Variants in SPINK13 observed in about 807,000 individuals in gnomAD.
The protein encoded by SPINK13 is serine protease inhibitor Kazal-type 13.
SPINK13 carries 11 observed loss-of-function variants against 11.0 expected under a neutral mutation model. The observed-to-expected ratio is 1.00, with a 90% confidence interval of 0.63 to 1.65. The LOEUF (loss-of-function observed/expected upper bound fraction) is 1.65. Among genes scored for constraint, SPINK13 ranks in the 40% most tolerant of loss-of-function variants. The pLI is 0.00. For missense variants in SPINK13, 113 were observed against 117.7 expected (o/e 0.96, Z 0.19); for synonymous variants, 31 against 35.6 (o/e 0.87, Z 0.46).
At chr5:148,279,645 A>G (rs1756483607) in intron 3 of SPINK13, among the ~76,000 whole-genome samples, 1 of 152,172 alleles carries the variant, frequency 6.6e-6, no homozygotes, top group Non-Finnish European at 1.5e-5. Context: ...CTGCAGAGAG[A>G]TCCACTGTTA....
At chr5:148,281,429 G>T (rs1324245555) in intron 3 of SPINK13, among the ~76,000 whole-genome samples, 1 of 152,144 alleles carries the variant, frequency 6.6e-6, no homozygotes, top group Non-Finnish European at 1.5e-5. Context: ...GGACCTGAGG[G>T]AATCTCCTGG....
chr5:148,283,189 G>A (rs575858545), intron 4 of SPINK13, among the ~76,000 whole-genome samples: 1 of 152,228 alleles, frequency 6.6e-6, no homozygotes, highest in East Asian at 1.9e-4. Flanking sequence ...AAGACTTGGT[G>A]TTCAGACTCT....
At chr5:148,270,688 TG>T (rs1401769557) in intron 2 of SPINK13, 1 of 152,836 alleles carries the variant, frequency 6.5e-6, no homozygotes, top group African/African-American at 2.4e-5. Flanking sequence ...TATGTTGACT[TG>T]CATGGCACAG....
At chr5:148,275,398 G>A (rs1298433739) in intron 3 of SPINK13, among the ~76,000 whole-genome samples, 1 of 152,166 alleles carries the variant, frequency 6.6e-6, no homozygotes, top group Non-Finnish European at 1.5e-5. Context: ...GGGCATTTGG[G>A]TTGGTTCCAA....
chr5:148,282,378 CAGAG>C, intron 4 of SPINK13, 147 bp downstream of exon 4: 1 of 956,156 alleles, frequency 1.0e-6, no homozygotes, highest in Non-Finnish European at 1.5e-6. Flanking sequence ...GGACAGACTA[CAGAG>C]AGAGTGAAGA....
At chr5:148,280,387 C>A (rs186475329) in intron 3 of SPINK13, among the ~76,000 whole-genome samples, 5 of 152,112 alleles carry the variant, frequency 3.3e-5, no homozygotes, top group African/African-American at 1.2e-4. Flanking sequence ...AAATTTTAAG[C>A]CTTTTTGGGC....
intron 1 of SPINK13, among the ~76,000 whole-genome samples, 175 bp from the exon 2 acceptor site, chr5:148,269,865 C>T (rs1263206193): frequency 6.6e-6 from 1 of 151,832 alleles, no homozygotes; most frequent in Non-Finnish European, 1.5e-5. Context: ...TTATGTTTTT[C>T]ATCTTCCTCT....
At chr5:148,270,212 AT>A in intron 2 of SPINK13, 70 bp downstream of exon 2, 1 of 1,513,252 alleles carries the variant, frequency 6.6e-7, no homozygotes, top group Non-Finnish European at 9.1e-7. Flanking sequence ...AAAACGAGTA[AT>A]TTTTTACTTT....
Position 148,270,151 on chromosome 5 carries a change from C to T in SPINK13, c.70+9C>T. ...ACATGTGGCTTTCTCAGGTGAGTAACCTAAGAGGTTTTGGGAGATAAACTC... is the reference window on the plus strand; with the variant it reads ...ACATGTGGCTTTCTCAGGTGAGTAATCTAAGAGGTTTTGGGAGATAAACTC... On this transcript the variant is annotated intron_variant, in intron 2 of 4. Transcript: ENST00000398450. 1.2e-6 allele frequency: 2 copies of T among 1,613,190 alleles called. No individual in the cohort carries two copies. The highest frequency in any genetic ancestry group is 1.7e-6 in the Non-Finnish European group (2 of 1,179,432).
chr5:148,276,288 CTTTAG>C (rs1207926399), intron 3 of SPINK13, among the ~76,000 whole-genome samples: 1 of 152,162 alleles, frequency 6.6e-6, no homozygotes, highest in African/African-American at 2.4e-5. Context: ...TGCAGAAGCT[CTTTAG>C]TTTAATCAGA....
chr5:148,273,789 A>T (rs1369124405), intron 2 of SPINK13, among the ~76,000 whole-genome samples: 10 of 152,198 alleles, frequency 6.6e-5, no homozygotes, highest in Admixed American at 6.5e-4. Context: ...TACAATAAGT[A>T]CTTTCTTATT....
At chr5:148,283,060 G>A (rs1452492226) in intron 4 of SPINK13, among the ~76,000 whole-genome samples, 2 of 152,066 alleles carry the variant, frequency 1.3e-5, no homozygotes, top group African/African-American at 2.4e-5. Context: ...TGGAGTCCCC[G>A]AGAGAGCAGG....
chr5:148,278,751 T>C (rs1220193968), intron 3 of SPINK13, among the ~76,000 whole-genome samples: 1 of 152,172 alleles, frequency 6.6e-6, no homozygotes, highest in African/African-American at 2.4e-5. Context: ...ATTTTGTTGA[T>C]TGGGGTGGAA....
chr5:148,278,289 A>C (rs1250134376), intron 3 of SPINK13, among the ~76,000 whole-genome samples: 1 of 152,012 alleles, frequency 6.6e-6, no homozygotes, highest in Admixed American at 6.6e-5. Flanking sequence ...CTCTGATCTT[A>C]GTTATTTCTT....
intron 3 of SPINK13, among the ~76,000 whole-genome samples, chr5:148,280,536 C>T (rs558510516): frequency 1.3e-5 from 2 of 152,340 alleles, no homozygotes; most frequent in South Asian, 2.1e-4. Flanking sequence ...TTCTAACAGT[C>T]AGGCCCCTCT....
At chr5:148,271,710 C>T (rs547313392) in intron 2 of SPINK13, among the ~76,000 whole-genome samples, 12 of 152,250 alleles carry the variant, frequency 7.9e-5, no homozygotes, top group East Asian at 3.9e-4. Context: ...CTGCAAGCTC[C>T]GCCTCCCGGA....
chr5:148,278,174 G>T (rs1425527126), intron 3 of SPINK13, among the ~76,000 whole-genome samples: 2 of 150,862 alleles, frequency 1.3e-5, no homozygotes, highest in Non-Finnish European at 3.0e-5. Flanking sequence ...TTTCTTCTTA[G>T]TCTGGCTAGC....
rs1445047193 is a variant in SPINK13, at chr5:148,270,127, CAT to C, written c.56_57del (p.His19ArgfsTer9). The C allele has an allele frequency of 1.9e-6, 3 of 1,613,900 alleles. No homozygotes were observed. The highest frequency in any genetic ancestry group is 1.3e-5 in the African/African-American group (1 of 74,932). ...IFFLVCSTLT[H>X]VAFSGIFNKR... is the part of the protein sequence containing the mutation. Reference sequence around the variant, plus strand: ...TTTCCTGGTATGCTCTACTTTGACACATGTGGCTTTCTCAGGTGAGTAACCTA... The same window carrying C: ...TTTCCTGGTATGCTCTACTTTGACACGTGGCTTTCTCAGGTGAGTAACCTA... On this transcript the variant is annotated frameshift_variant, in exon 2 of 5. Transcript: ENST00000398450. LOFTEE classifies it high-confidence loss of function.
At chr5:148,284,272 T>A (rs1019049164) in intron 4 of SPINK13, among the ~76,000 whole-genome samples, 3 of 150,770 alleles carry the variant, frequency 2.0e-5, no homozygotes, top group Non-Finnish European at 4.4e-5. Flanking sequence ...CTCCAGAAGC[T>A]GGTAATAATT....
Sources: gnomAD v4.1 joint callset for allele counts (sites outside exome capture counted in the v4.1 genomes callset) on GRCh38, gnomAD v4.1.1 for gene constraint, MANE v1.5 for transcripts, NCBI Gene and HGNC (gene_info 2026-07-23, HGNC 2026-07-21) for gene names.